PPP2R3A: variants seen among roughly 807,000 people sequenced by gnomAD.
PPP2R3A encodes the protein protein phosphatase 2 regulatory subunit B''alpha, also known as serine/threonine-protein phosphatase 2A regulatory subunit B'' subunit alpha.
Under a neutral mutation model 106.9 loss-of-function variants are expected in PPP2R3A, and 80 were observed. The ratio of observed to expected loss-of-function variants is 0.75; its 90% CI spans 0.62 to 0.90. The LOEUF (loss-of-function observed/expected upper bound fraction) is 0.90, where lower values mean the gene tolerates loss of function less well. Among genes scored for constraint, PPP2R3A ranks in the 40% least tolerant of loss-of-function variants. The pLI is 0.00. For missense variants in PPP2R3A, 1,386 were observed against 1,350.4 expected, an observed-to-expected ratio of 1.03 and a Z score of -0.41; for synonymous variants, 483 against 468.3, an observed-to-expected ratio of 1.03 and a Z score of -0.41.
chr3:136,031,419 T>G (rs2107830854), intron 3 of PPP2R3A, among the ~76,000 whole-genome samples: 2 of 152,348 alleles, frequency 1.3e-5, no homozygotes, highest in Middle Eastern at 6.8e-3. Flanking sequence ...TTGTCAGATG[T>G]ATAGATCTTG....
chr3:136,103,383 G>T lies in PPP2R3A; in HGVS notation c.3222+7G>T. The T allele has an allele frequency of 2.6e-6, 4 of 1,559,314 alleles. No homozygotes were observed. The highest frequency in any genetic ancestry group is 3.5e-6 in the Non-Finnish European group (4 of 1,135,072). On this transcript the variant is annotated splice_region_variant and intron_variant, in intron 12 of 13. Coordinates refer to ENST00000264977, the MANE Select transcript of PPP2R3A (RefSeq NM_002718.5). ...TCCCTTTGCGGTCCAGAAGGTAACA[G>T]TATAATTTTAACTTTTATTTGAGGG...
At chr3:135,982,975 C>T (rs1185790845) in intron 1 of PPP2R3A, among the ~76,000 whole-genome samples, 1 of 152,152 alleles carries the variant, frequency 6.6e-6, no homozygotes, top group East Asian at 1.9e-4. Flanking sequence ...ATGAGTACTT[C>T]ATGCACTCTT....
chr3:135,974,219 A>G (rs1001669253), intron 1 of PPP2R3A, among the ~76,000 whole-genome samples: 2 of 152,002 alleles, frequency 1.3e-5, no homozygotes, highest in Non-Finnish European at 2.9e-5. Flanking sequence ...GGAGCATTAC[A>G]TGGCTCATTA....
intron 2 of PPP2R3A, among the ~76,000 whole-genome samples, chr3:136,021,011 G>GAGGGAGCATTCTC (rs1207771069): frequency 2.0e-5 from 3 of 152,038 alleles, no homozygotes; most frequent in Admixed American, 6.6e-5. Flanking sequence ...TGTATAATTT[G>GAGGGAGCATTCTC]AGGAAAGGGA....
intron 3 of PPP2R3A, among the ~76,000 whole-genome samples, chr3:136,029,036 A>G (rs1370956415): frequency 1.3e-5 from 2 of 152,120 alleles, no homozygotes; most frequent in Non-Finnish European, 2.9e-5. Context: ...TATTTTTAGT[A>G]GAGATGGGGT....
chr3:136,041,472 C>T (rs1315032607), intron 4 of PPP2R3A, among the ~76,000 whole-genome samples: 1 of 151,976 alleles, frequency 6.6e-6, no homozygotes, highest in African/African-American at 2.4e-5. Context: ...TGGTCATAAA[C>T]TCCTGGCCTT....
intron 5 of PPP2R3A, among the ~76,000 whole-genome samples, chr3:136,050,087 C>T (rs1227618962): frequency 6.6e-6 from 1 of 152,118 alleles, no homozygotes; most frequent in Non-Finnish European, 1.5e-5. Flanking sequence ...AATCCCATTA[C>T]CAGATTTCAG....
intron 5 of PPP2R3A, among the ~76,000 whole-genome samples, chr3:136,066,936 A>G (rs560274337): frequency 5.9e-5 from 9 of 152,308 alleles, no homozygotes; most frequent in African/African-American, 1.9e-4. Flanking sequence ...TATTTTAGAT[A>G]CTTTCTTAAC....
intron 6 of PPP2R3A, among the ~76,000 whole-genome samples, chr3:136,074,765 A>T (rs1936544084): frequency 6.6e-6 from 1 of 152,204 alleles, no homozygotes; most frequent in South Asian, 2.1e-4. Context: ...TGTGGAGGGC[A>T]AGGTACTGAT....
At chr3:136,028,536 C>T (rs762728856) in intron 3 of PPP2R3A, among the ~76,000 whole-genome samples, 23 of 152,208 alleles carry the variant, frequency 1.5e-4, no homozygotes, top group Admixed American at 2.6e-4. Context: ...TGTCTAACTT[C>T]TAGCACAGTG....
chr3:135,983,729 T>C (rs1937569199), intron 1 of PPP2R3A, among the ~76,000 whole-genome samples: 2 of 152,328 alleles, frequency 1.3e-5, no homozygotes, highest in South Asian at 4.1e-4. Flanking sequence ...CCTTATGGCA[T>C]GTTTTGTATG....
chr3:136,132,077 T>C (rs1343205892), intron 13 of PPP2R3A, among the ~76,000 whole-genome samples: 1 of 152,060 alleles, frequency 6.6e-6, no homozygotes, highest in Non-Finnish European at 1.5e-5. Flanking sequence ...GATGAGTTGA[T>C]GGCTGCAGCA....
intron 1 of PPP2R3A, among the ~76,000 whole-genome samples, chr3:135,984,455 A>G (rs1216884632): frequency 6.6e-6 from 1 of 152,216 alleles, no homozygotes; most frequent in East Asian, 1.9e-4. Context: ...AATCCTAGTA[A>G]TATGGTTTGG....
intron 7 of PPP2R3A, among the ~76,000 whole-genome samples, chr3:136,081,128 G>A (rs953921568): frequency 4.6e-5 from 7 of 152,030 alleles, no homozygotes; most frequent in African/African-American, 1.7e-4. Context: ...AAGTAGCTGG[G>A]ATTACAGGCG....
chr3:136,060,813 G>A (rs1345766692), intron 5 of PPP2R3A, among the ~76,000 whole-genome samples: 1 of 152,150 alleles, frequency 6.6e-6, no homozygotes, highest in East Asian at 1.9e-4. Context: ...AATTTCAAGA[G>A]ATCTATCATA....
At chr3:136,061,634 A>G (rs1425946106) in intron 5 of PPP2R3A, among the ~76,000 whole-genome samples, 1 of 151,944 alleles carries the variant, frequency 6.6e-6, no homozygotes, top group Non-Finnish European at 1.5e-5. Flanking sequence ...TCAAAAAGCA[A>G]GCGAGGCCGG....
intron 12 of PPP2R3A, among the ~76,000 whole-genome samples, chr3:136,103,851 A>G (rs1937445512): frequency 1.3e-5 from 2 of 152,208 alleles, no homozygotes; most frequent in Non-Finnish European, 2.9e-5. Flanking sequence ...TCACGTGTTA[A>G]TGATTGCCGT....
Position 136,049,337 on chromosome 3 carries a change from G to C in PPP2R3A, c.2445G>C (p.Gln815His). ...LAKPNCSSLE[Q>H]EDFIPLLQDV... ...AGCCCAACTGCAGCTCTCTAGAACA[G>C]GAGGATTTCATCCCTCTACTTCAGG... Residue 815 changes from glutamine to histidine, a missense_variant, in exon 5 of 14, where the codon CAG (glutamine) becomes CAC (histidine). Transcript: ENST00000264977. 6.2e-7 allele frequency: 1 copy of C among 1,612,738 alleles called. No individual in the cohort carries two copies. Among genetic ancestry groups the C allele is most frequent in the Non-Finnish European group, 8.5e-7 (1 of 1,179,252 alleles).
intron 13 of PPP2R3A, among the ~76,000 whole-genome samples, chr3:136,142,227 T>G: frequency 6.6e-6 from 1 of 152,094 alleles, no homozygotes; most frequent in Non-Finnish European, 1.5e-5. Flanking sequence ...CTAAGATGGG[T>G]AATTTTATTG....
Sources: gnomAD v4.1 joint callset for allele counts (sites outside exome capture counted in the v4.1 genomes callset) on GRCh38, gnomAD v4.1.1 for gene constraint, MANE v1.5 for transcripts, NCBI Gene and HGNC (gene_info 2026-07-23, HGNC 2026-07-21) for gene names.